The following SLC1A2 variants were observed in gnomAD, a reference collection of about 807,000 sequenced individuals.
The protein encoded by SLC1A2 is solute carrier family 1 member 2.
Under a neutral mutation model 48.8 loss-of-function variants are expected in SLC1A2, and 15 were observed. The observed-to-expected ratio is 0.31, with a 90% CI of 0.21 to 0.47. SLC1A2 has a LOEUF of 0.47. SLC1A2 is among the 20% of genes least tolerant of loss of function. SLC1A2 has a pLI of 0.99. For synonymous variants in SLC1A2, 279 were observed against 272.6 expected, an observed-to-expected ratio of 1.02 and a Z score of -0.23; for missense variants, 502 against 730.5, an observed-to-expected ratio of 0.69 and a Z score of 3.61.
intron 1 of SLC1A2, among the ~76,000 whole-genome samples, chr11:35,397,475 T>C (rs560549728): frequency 6.7e-6 from 1 of 149,824 alleles, no homozygotes; most frequent in Non-Finnish European, 1.5e-5. Context: ...TGGCTAGCCA[T>C]ATGTAGAAAG....
At position 35,419,208 on chromosome 11, in the gene SLC1A2, G is replaced by C. The variant is rs1183146307; in HGVS notation, c.-242C>G. On this transcript the variant is annotated 5_prime_UTR_variant, in exon 1 of 11. Transcript: ENST00000278379. This position sits in a 1 kb window ranked among gnomAD's most constrained non-coding sequence, Gnocchi z 5.4. Reference sequence around the variant, plus strand: ...GCGACCCGCGCTCCCCTCCGCCCGCGGGGATGGCGCTTGGCGGGGAGCTCC... The same window carrying C: ...GCGACCCGCGCTCCCCTCCGCCCGCCGGGATGGCGCTTGGCGGGGAGCTCC... 1 of 443,804 alleles carries C rather than the reference G, an allele frequency of 2.3e-6. No individual in the cohort carries two copies. Among genetic ancestry groups the C allele is most frequent in the African/African-American group, 2.1e-5 (1 of 48,470 alleles). The allele number at this position is 443,804 out of a possible 1,614,324, so 27.5% of individuals were successfully genotyped here. A position where few individuals can be genotyped will look rare whatever the true frequency, so the allele number is the denominator to read the frequency against.
intron 1 of SLC1A2, among the ~76,000 whole-genome samples, chr11:35,355,441 T>G (rs1399090333): frequency 6.6e-6 from 1 of 152,198 alleles, no homozygotes; most frequent in Non-Finnish European, 1.5e-5. Context: ...TGATTAGCAC[T>G]TGTAAGTGTA....
chr11:35,316,032 A>T (rs1172864175), intron 2 of SLC1A2: 4 of 152,096 alleles, frequency 2.6e-5, no homozygotes, highest in African/African-American at 9.7e-5. Context: ...TAATTTCCTC[A>T]TGGCTCACTC....
At chr11:35,395,871 C>T (rs1854942043) in intron 1 of SLC1A2, among the ~76,000 whole-genome samples, 1 of 133,610 alleles carries the variant, frequency 7.5e-6, no homozygotes, top group Non-Finnish European at 1.6e-5. Context: ...ATTCCCCTTC[C>T]TGTGTCCATG....
At chr11:35,381,031 C>G (rs180818712) in intron 1 of SLC1A2, among the ~76,000 whole-genome samples, 23 of 152,316 alleles carry the variant, frequency 1.5e-4, no homozygotes, top group Non-Finnish European at 2.8e-4. Context: ...TATTACAGAG[C>G]TCAGGTATAA....
At chr11:35,317,155 A>C (rs992135246) in intron 2 of SLC1A2, 77 of 508,094 alleles carry the variant, frequency 1.5e-4, no homozygotes, top group Non-Finnish European at 2.3e-4. Context: ...CAAGATATTT[A>C]TTTGCAAAAA....
intron 1 of SLC1A2, among the ~76,000 whole-genome samples, chr11:35,318,516 G>A (rs929906747): frequency 2.0e-5 from 3 of 152,312 alleles, no homozygotes; most frequent in East Asian, 1.9e-4. Flanking sequence ...AAGACAGGGA[G>A]GTGTTGCATT....
intron 1 of SLC1A2, among the ~76,000 whole-genome samples, chr11:35,386,582 A>G (rs1854591248): frequency 6.6e-6 from 1 of 152,224 alleles, no homozygotes; most frequent in African/African-American, 2.4e-5. Context: ...CAAAAAACCC[A>G]TCAGTTTAAA....
intron 9 of SLC1A2, among the ~76,000 whole-genome samples, chr11:35,269,968 G>A (rs549184977): frequency 5.3e-5 from 8 of 152,138 alleles, no homozygotes; most frequent in South Asian, 2.1e-4. Flanking sequence ...TTAGCCAGGC[G>A]TGGTGGTGCA....
intron 6 of SLC1A2, 140 bp from the exon 7 acceptor site, chr11:35,292,660 A>AT: frequency 3.4e-6 from 2 of 583,700 alleles, no homozygotes; most frequent in South Asian, 2.4e-5. Context: ...AGTTCATGTT[A>AT]TTTTTTACTT....
intron 1 of SLC1A2, among the ~76,000 whole-genome samples, chr11:35,366,504 G>T (rs186631300): frequency 3.3e-5 from 5 of 152,296 alleles, no homozygotes; most frequent in Admixed American, 3.3e-4. Flanking sequence ...CCTCAGGAGG[G>T]TAATTCTAAG....
intron 1 of SLC1A2, among the ~76,000 whole-genome samples, chr11:35,334,245 T>A (rs1852537005): frequency 6.6e-6 from 1 of 152,168 alleles, no homozygotes; most frequent in Admixed American, 6.5e-5. Context: ...AAGAGAGTGT[T>A]AAGAGGAAAG....
chr11:35,403,658 A>G (rs951281588), intron 1 of SLC1A2, among the ~76,000 whole-genome samples: 3 of 152,146 alleles, frequency 2.0e-5, no homozygotes, highest in Non-Finnish European at 4.4e-5. Context: ...CCTGCTTCCC[A>G]GGGTTCCTAT....
chr11:35,362,794 T>C (rs1276307986), intron 1 of SLC1A2, among the ~76,000 whole-genome samples: 1 of 152,200 alleles, frequency 6.6e-6, no homozygotes, highest in African/African-American at 2.4e-5. Context: ...AACTGGATTT[T>C]CAGGTCTCAT....
intron 9 of SLC1A2, among the ~76,000 whole-genome samples, chr11:35,279,401 C>T (rs188949897): frequency 6.6e-6 from 1 of 152,350 alleles, no homozygotes; most frequent in East Asian, 1.9e-4. Context: ...AACTACCATA[C>T]ATGGTCAAGT....
intron 8 of SLC1A2, 93 bp from the exon 9 acceptor site, chr11:35,281,094 T>A (rs940607197): frequency 3.4e-5 from 49 of 1,433,820 alleles, no homozygotes; most frequent in Non-Finnish European, 4.4e-5. Context: ...CCTGCAGCCA[T>A]AAAATTCATC....
chr11:35,293,174 C>T (rs772852092), intron 6 of SLC1A2, among the ~76,000 whole-genome samples: 24 of 152,158 alleles, frequency 1.6e-4, no homozygotes, highest in East Asian at 1.9e-4. Flanking sequence ...TCACTTAATG[C>T]TTACCACAAC....
In SLC1A2 at chr11:35,255,301, A is replaced by T. The variant is rs1254232210; in HGVS notation, c.*5593T>A. The T allele has an allele frequency of 6.4e-6, 1 of 155,162 alleles. No homozygotes were observed. Among genetic ancestry groups the T allele is most frequent in the African/African-American group, 2.4e-5 (1 of 41,472 alleles). 9.6% of individuals were successfully genotyped at this position (155,162 alleles called of 1,614,324 possible). A position where few individuals can be genotyped will look rare whatever the true frequency, so the allele number is the denominator to read the frequency against. ...GTGACATGGACCTTGTAGACCATGC[A>T]TTGTATCCCATCCACCCTACAAACT... On this transcript the variant is annotated 3_prime_UTR_variant, in exon 11 of 11. Coordinates refer to ENST00000278379, the MANE Select transcript of SLC1A2 (RefSeq NM_004171.4).
At position 35,343,706 on chromosome 11, in the gene SLC1A2, C is replaced by A. The variant is rs543253429; in HGVS notation, c.18-26190G>T. On this transcript the variant is annotated intron_variant, in intron 1 of 10. Transcript: ENST00000278379. ...ACATCAGTAGCAGTAGTATTAGCAT[C>A]CCCATTTTCAAATGGAGATAACCTA... 1.4e-4 allele frequency among the ~76,000 whole-genome samples: 21 copies of A among 152,116 alleles called. No individual in the cohort carries two copies. In the East Asian group the frequency reaches 4.1e-3, roughly 29 times the overall value.
Sources: allele counts gnomAD v4.1 joint callset (sites outside exome capture counted in the v4.1 genomes callset), GRCh38; gene constraint gnomAD v4.1.1; non-coding constraint Gnocchi (gnomAD v3.1); transcripts MANE v1.5; gene names NCBI Gene and HGNC (gene_info 2026-07-23, HGNC 2026-07-21).